SHLD2: variants seen among roughly 807,000 people sequenced by gnomAD.
SHLD2 encodes the protein shieldin complex subunit 2, also known as RINN1-REV7-interacting novel NHEJ regulator 2.
A neutral mutation model predicts 73.2 loss-of-function variants in SHLD2; 30 were observed. That is an observed-to-expected ratio of 0.41 (90% CI 0.31 to 0.56). The LOEUF (loss-of-function observed/expected upper bound fraction) is 0.56. Ranked by LOEUF, SHLD2 falls within the 20% of genes least tolerant of loss-of-function variation. The probability of loss-of-function intolerance (pLI) is 0.28; values close to 1 mark genes in which losing one functional copy is unlikely to be tolerated. For missense variants in SHLD2, 745 were observed against 1,055.9 expected (o/e 0.71, Z 4.08); for synonymous variants, 285 against 370.1 (o/e 0.77, Z 2.64).
At chr10:87,153,015 C>T (rs3129512) in intron 3 of SHLD2, 136 bp downstream of exon 3, 110 of 828,966 alleles carry the variant, frequency 1.3e-4, no homozygotes, top group Non-Finnish European at 1.9e-4. Flanking sequence ...ATCCCTTTAT[C>T]GCATCTGCAT....
At chr10:87,123,962 A>G (rs1034818156) in intron 2 of SHLD2, among the ~76,000 whole-genome samples, 4 of 152,166 alleles carry the variant, frequency 2.6e-5, no homozygotes, top group Admixed American at 6.5e-5. Flanking sequence ...TCCATGGAAA[A>G]CATTATTGAA....
chr10:87,122,273 C>A (rs528051412), intron 2 of SHLD2, among the ~76,000 whole-genome samples: 7 of 150,350 alleles, frequency 4.7e-5, no homozygotes, highest in Admixed American at 3.3e-4. Context: ...AAAAGTTTTT[C>A]ATCTTTTGCT....
intron 8 of SHLD2, among the ~76,000 whole-genome samples, chr10:87,181,831 G>A (rs1235841911): frequency 6.6e-6 from 1 of 151,316 alleles, no homozygotes; most frequent in East Asian, 1.9e-4. Flanking sequence ...GTGCACTGGT[G>A]CGATCTCAGC....
At chr10:87,158,373 G>A (rs886688005) in intron 4 of SHLD2, among the ~76,000 whole-genome samples, 21 of 152,140 alleles carry the variant, frequency 1.4e-4, no homozygotes, top group Non-Finnish European at 2.6e-4. Context: ...CTCATGTTTC[G>A]TTTTCTTAGG....
intron 4 of SHLD2, among the ~76,000 whole-genome samples, chr10:87,167,363 ATAAAG>A (rs1847275447): frequency 6.6e-6 from 1 of 152,206 alleles, no homozygotes; most frequent in African/African-American, 2.4e-5. Flanking sequence ...TAGTAGCTAA[ATAAAG>A]TATATTCTAA....
At chr10:87,120,479 C>T (rs1233865285) in intron 2 of SHLD2, among the ~76,000 whole-genome samples, 1 of 151,696 alleles carries the variant, frequency 6.6e-6, no homozygotes, top group Non-Finnish European at 1.5e-5. Context: ...GATCTCCTGA[C>T]CTCGTGATCT....
At chr10:87,170,445 C>T (rs747754735) in intron 4 of SHLD2, 33 bp from the exon 5 acceptor site, 78 of 1,419,736 alleles carry the variant, frequency 5.5e-5, no homozygotes, top group Admixed American at 3.7e-4. Flanking sequence ...ATGTTGCCAT[C>T]TTTTGTCTGT....
chr10:87,151,598 A>G lies in SHLD2; in HGVS notation c.244A>G (p.Met82Val), dbSNP rs1423229209. 1 of 1,611,716 alleles carries G rather than the reference A, an allele frequency of 6.2e-7. No homozygotes were observed. Among genetic ancestry groups the G allele is most frequent in the Non-Finnish European group, 8.5e-7 (1 of 1,179,622 alleles). The change falls in exon 3 of 10, where the codon ATG becomes GTG. Residue 82 changes from methionine to valine, a missense_variant. Transcript: ENST00000298786. ...DLSGHFLANC[M>V]NRHVHVKDDF... Reference sequence around the variant, plus strand: ...TAGTGGTCATTTCTTAGCAAACTGTATGAATAGACATGTTCATGTGAAAGA... The same window carrying G: ...TAGTGGTCATTTCTTAGCAAACTGTGTGAATAGACATGTTCATGTGAAAGA...
chr10:87,095,273 A>C (rs1381390120), intron 1 of SHLD2, 25 bp downstream of exon 1: 1 of 23,526 alleles, frequency 4.3e-5, no homozygotes, highest in Non-Finnish European at 8.9e-5. Context: ...GGGGTCCCTC[A>C]GGGGGGTTGG....
intron 2 of SHLD2, among the ~76,000 whole-genome samples, chr10:87,137,090 C>T (rs1465690402): frequency 6.6e-6 from 1 of 151,868 alleles, no homozygotes; most frequent in Non-Finnish European, 1.5e-5. Context: ...TAAAAAGTTA[C>T]AAGACACAAG....
chr10:87,122,761 T>C (rs1258509840), intron 2 of SHLD2, among the ~76,000 whole-genome samples: 1 of 152,154 alleles, frequency 6.6e-6, no homozygotes, highest in African/African-American at 2.4e-5. Context: ...GGTGTTTTTA[T>C]TTATTTATTT....
At chr10:87,174,681 A>G (rs1397558643) in intron 6 of SHLD2, among the ~76,000 whole-genome samples, 1 of 152,204 alleles carries the variant, frequency 6.6e-6, no homozygotes, top group Non-Finnish European at 1.5e-5. Flanking sequence ...GTTATCAGAA[A>G]AATTAGTGCT....
At chr10:87,104,172 G>A (rs1842448093) in intron 2 of SHLD2, among the ~76,000 whole-genome samples, 1 of 149,990 alleles carries the variant, frequency 6.7e-6, no homozygotes, top group Non-Finnish European at 1.5e-5. Context: ...GGGAGGCGGA[G>A]GTTGTAGTGA....
At position 87,151,388 on chromosome 10, in the gene SHLD2, G is replaced by C. The variant is rs774976418; in HGVS notation, c.34G>C (p.Gly12Arg). 9 of 1,573,122 alleles carry C rather than the reference G, an allele frequency of 5.7e-6. No individual in the cohort carries two copies. The highest frequency in any genetic ancestry group is 7.7e-6 in the Non-Finnish European group (9 of 1,164,074). ...SGGSQVHIFW[G>R]APIAPLKITV... Reference sequence around the variant, plus strand: ...AGGATCTCAAGTCCACATTTTTTGGGGTGCTCCAATTGCTCCACTGAAAAT... The same window carrying C: ...AGGATCTCAAGTCCACATTTTTTGGCGTGCTCCAATTGCTCCACTGAAAAT... The change falls in exon 3 of 10, where the codon GGT becomes CGT. Residue 12 changes from glycine (G) to arginine (R), a missense_variant. By Grantham distance (125) the Gly-to-Arg change is moderately radical. Coordinates refer to ENST00000298786, the MANE Select transcript of SHLD2 (RefSeq NM_001330112.2).
chr10:87,147,075 A>AAAAAACAAACAAACAAAC, intron 2 of SHLD2, among the ~76,000 whole-genome samples: 1 of 138,094 alleles, frequency 7.2e-6, no homozygotes, highest in Non-Finnish European at 1.5e-5. Flanking sequence ...AAAAAAAGAA[A>AAAAAACAAACAAACAAAC]AAAAAAAAAA....
intron 1 of SHLD2, among the ~76,000 whole-genome samples, chr10:87,096,025 T>C (rs1473222822): frequency 6.6e-6 from 1 of 152,220 alleles, no homozygotes; most frequent in African/African-American, 2.4e-5. Context: ...AATGGTTCAG[T>C]ATATGATTTA....
Position 87,103,630 on chromosome 10 carries a change from G to T in SHLD2, c.-6+6641G>T, listed in dbSNP as rs143796912. Among the ~76,000 whole-genome samples the T allele has an allele frequency of 4.8e-3, 734 of 152,220 alleles. 6 individuals are homozygous for T. Among genetic ancestry groups the T allele is most frequent in the African/African-American group, 0.017 (696 of 41,546 alleles). On this transcript the variant is annotated intron_variant, in intron 2 of 9. Coordinates refer to ENST00000298786, the MANE Select transcript of SHLD2 (RefSeq NM_001330112.2). Reference sequence around the variant, plus strand: ...TGATTTTCAGAGAAGTTGTAATTTTGATGTTTTTTCCTTTTAGTGAGCATG... The same window carrying T: ...TGATTTTCAGAGAAGTTGTAATTTTTATGTTTTTTCCTTTTAGTGAGCATG...
At chr10:87,108,942 A>T (rs1284948788) in intron 2 of SHLD2, among the ~76,000 whole-genome samples, 1 of 152,100 alleles carries the variant, frequency 6.6e-6, no homozygotes, top group Non-Finnish European at 1.5e-5. Flanking sequence ...CTTGGTCTTG[A>T]ATGGGATTGT....
intron 4 of SHLD2, among the ~76,000 whole-genome samples, chr10:87,162,998 C>T (rs939562123): frequency 1.3e-5 from 2 of 152,052 alleles, no homozygotes; most frequent in Non-Finnish European, 2.9e-5. Context: ...AGCTACACCT[C>T]CAACAATATG....
Sources: gnomAD v4.1 joint callset for allele counts (sites outside exome capture counted in the v4.1 genomes callset) on GRCh38, gnomAD v4.1.1 for gene constraint, MANE v1.5 for transcripts, NCBI Gene and HGNC (gene_info 2026-07-23, HGNC 2026-07-21) for gene names.